The following ATP6V1E1 variants were observed in gnomAD, a reference collection of about 807,000 sequenced individuals.
The protein encoded by ATP6V1E1 is ATPase H+ transporting V1 subunit E1.
A neutral mutation model predicts 35.2 loss-of-function variants in ATP6V1E1; 21 were observed. The ratio of observed to expected loss-of-function variants is 0.60; its 90% confidence interval spans 0.42 to 0.86. The LOEUF (loss-of-function observed/expected upper bound fraction) is 0.86, where lower values mean the gene tolerates loss of function less well. Among genes scored for constraint, ATP6V1E1 ranks in the 40% least tolerant of loss-of-function variants. ATP6V1E1 has a pLI of 0.00. For missense variants in ATP6V1E1, 183 were observed against 272.6 expected, an observed-to-expected ratio of 0.67 and a Z score of 2.32; for synonymous variants, 83 against 87.8, an observed-to-expected ratio of 0.95 and a Z score of 0.30.
intron 2 of ATP6V1E1, among the ~76,000 whole-genome samples, chr22:17,615,033 T>A (rs1459301372): frequency 3.3e-5 from 5 of 152,078 alleles, no homozygotes; most frequent in African/African-American, 1.2e-4. Flanking sequence ...CTGGGCGCCA[T>A]GGCTCACGCC....
intron 1 of ATP6V1E1, among the ~76,000 whole-genome samples, chr22:17,620,994 G>A (rs539143302): frequency 3.3e-5 from 5 of 152,082 alleles, no homozygotes; most frequent in South Asian, 2.1e-4. Context: ...CCCGGGAGGC[G>A]AAGCTTGCAG....
intron 1 of ATP6V1E1, among the ~76,000 whole-genome samples, chr22:17,627,012 TG>T (rs2057910821): frequency 6.6e-6 from 1 of 151,638 alleles, no homozygotes; most frequent in African/African-American, 2.4e-5. Context: ...TTTTTTGAGA[TG>T]GAGTCTCACT....
chr22:17,621,203 A>G (rs1311306674), intron 1 of ATP6V1E1, among the ~76,000 whole-genome samples: 2 of 152,112 alleles, frequency 1.3e-5, no homozygotes, highest in Non-Finnish European at 2.9e-5. Context: ...TGTTGTTTCT[A>G]ATCGACTCTA....
Position 17,601,192 on chromosome 22 carries a change from T to A in ATP6V1E1, c.277-11A>T, listed in dbSNP as rs1182642798. Reference sequence around the variant, plus strand: ...TTCATTTAGTAGGTCCTACAAAGATTAGAAAAGATAAAAGTTATCTACACA... The same window carrying A: ...TTCATTTAGTAGGTCCTACAAAGATAAGAAAAGATAAAAGTTATCTACACA... On this transcript the variant is annotated splice_polypyrimidine_tract_variant and intron_variant, in intron 4 of 8. Coordinates refer to ENST00000253413, the MANE Select transcript of ATP6V1E1 (RefSeq NM_001696.4). The A allele has an allele frequency of 6.2e-7, 1 of 1,609,980 alleles. No individual in the cohort carries two copies. Among genetic ancestry groups the A allele is most frequent in the South Asian group, 1.1e-5 (1 of 90,738 alleles).
At chr22:17,598,835 C>T (rs181668580) in intron 6 of ATP6V1E1, among the ~76,000 whole-genome samples, 44 of 152,108 alleles carry the variant, frequency 2.9e-4, no homozygotes, top group African/African-American at 7.0e-4. Context: ...TACAGACAAA[C>T]GGATAGAAAG....
At chr22:17,616,405 G>A (rs1601390622) in intron 2 of ATP6V1E1, among the ~76,000 whole-genome samples, 1 of 152,182 alleles carries the variant, frequency 6.6e-6, no homozygotes, top group East Asian at 1.9e-4. Context: ...GAGGCCAGGC[G>A]TGGTGGCTCA....
At chr22:17,617,897 C>A (rs564642302) in intron 2 of ATP6V1E1, among the ~76,000 whole-genome samples, 2 of 152,300 alleles carry the variant, frequency 1.3e-5, no homozygotes, top group South Asian at 4.1e-4. Context: ...GCAACCTCTG[C>A]ATTCTGGGAT....
At chr22:17,600,394 G>A (rs183981371) in intron 5 of ATP6V1E1, among the ~76,000 whole-genome samples, 4 of 152,076 alleles carry the variant, frequency 2.6e-5, no homozygotes, top group Non-Finnish European at 5.9e-5. Flanking sequence ...CAGAGATGAT[G>A]TCAATGCACT....
chr22:17,606,155 T>C (rs1366068394), intron 4 of ATP6V1E1, among the ~76,000 whole-genome samples: 3 of 152,212 alleles, frequency 2.0e-5, no homozygotes, highest in Non-Finnish European at 2.9e-5. Flanking sequence ...TATAAAGGAT[T>C]ATGCAACTTA....
chr22:17,628,487 A>G, intron 1 of ATP6V1E1, 116 bp downstream of exon 1: 1 of 1,413,322 alleles, frequency 7.1e-7, no homozygotes, highest in Admixed American at 1.7e-5. Flanking sequence ...ACTTGGAGCA[A>G]GGGACCTTCC....
chr22:17,626,601 G>A (rs60618285), intron 1 of ATP6V1E1, among the ~76,000 whole-genome samples: 2,293 of 149,250 alleles, frequency 0.015, 58 homozygotes, highest in African/African-American at 0.052. Context: ...GTGTGATCTC[G>A]CCTCACCATA....
intron 2 of ATP6V1E1, among the ~76,000 whole-genome samples, chr22:17,614,532 A>G (rs1432022376): frequency 6.6e-6 from 1 of 151,040 alleles, no homozygotes; most frequent in Non-Finnish European, 1.5e-5. Context: ...TTAGCCGCGC[A>G]TGGTGGGCAC....
intron 1 of ATP6V1E1, among the ~76,000 whole-genome samples, chr22:17,626,046 C>T (rs2057902707): frequency 6.6e-6 from 1 of 151,970 alleles, no homozygotes; most frequent in African/African-American, 2.4e-5. Flanking sequence ...GTAGCTCATG[C>T]CTGTAATCCC....
chr22:17,593,296 C>G (rs1383111876), intron 8 of ATP6V1E1, among the ~76,000 whole-genome samples: 1 of 151,820 alleles, frequency 6.6e-6, no homozygotes, highest in Non-Finnish European at 1.5e-5. Context: ...AAAAAAAAAC[C>G]TAAAGTCACT....
chr22:17,609,451 T>G (rs1246320652), intron 4 of ATP6V1E1, among the ~76,000 whole-genome samples: 1 of 125,272 alleles, frequency 8.0e-6, no homozygotes, highest in Non-Finnish European at 1.7e-5. Context: ...TGAGCCACCA[T>G]GCCCATCCTG....
intron 2 of ATP6V1E1, among the ~76,000 whole-genome samples, chr22:17,616,548 A>G (rs2401159): frequency 0.35 from 52,673 of 151,454 alleles, 9,484 homozygotes; most frequent in African/African-American, 0.41. Flanking sequence ...GCGTGATGGC[A>G]TGCGCCTGTA....
At chr22:17,596,602 AC>A (rs1280291733) in intron 7 of ATP6V1E1, among the ~76,000 whole-genome samples, 4 of 151,966 alleles carry the variant, frequency 2.6e-5, no homozygotes, top group Non-Finnish European at 5.9e-5. Flanking sequence ...TCCATGAATT[AC>A]CCAGCCTCGG....
intron 2 of ATP6V1E1, among the ~76,000 whole-genome samples, chr22:17,613,689 C>T (rs1201787468): frequency 7.2e-5 from 11 of 152,316 alleles, no homozygotes; most frequent in South Asian, 2.1e-4. Context: ...AGATCCTGGC[C>T]GGGTGCGGTG....
chr22:17,614,743 C>A (rs1242170541), intron 2 of ATP6V1E1, among the ~76,000 whole-genome samples: 4 of 150,894 alleles, frequency 2.7e-5, no homozygotes, highest in Admixed American at 2.6e-4. Flanking sequence ...CAGAGGCAGG[C>A]GGATCATGAG....
Sources: allele counts gnomAD v4.1 joint callset (sites outside exome capture counted in the v4.1 genomes callset), GRCh38; gene constraint gnomAD v4.1.1; transcripts MANE v1.5; gene names NCBI Gene and HGNC (gene_info 2026-07-23, HGNC 2026-07-21).